The following AFAP1L2 variants were observed in gnomAD, a reference collection of about 807,000 sequenced individuals.
AFAP1L2 encodes actin filament associated protein 1 like 2, also known as actin filament-associated protein 1-like 2.
AFAP1L2 carries 46 observed loss-of-function variants against 99.3 expected under a neutral mutation model. That is an observed-to-expected ratio of 0.46 (90% CI 0.37 to 0.59). AFAP1L2 has a LOEUF of 0.59. AFAP1L2 is among the 20% of genes least tolerant of loss of function. The pLI is 0.00. For missense variants in AFAP1L2, 959 were observed against 1,034.9 expected, an observed-to-expected ratio of 0.93 and a Z score of 1.01; for synonymous variants, 397 against 419.1, an observed-to-expected ratio of 0.95 and a Z score of 0.64.
chr10:114,320,079 G>A (rs557223779), intron 5 of AFAP1L2, among the ~76,000 whole-genome samples: 4 of 152,140 alleles, frequency 2.6e-5, no homozygotes, highest in African/African-American at 7.2e-5. Flanking sequence ...TGAAATACCC[G>A]AGTGAGAAAC....
Position 114,307,872 on chromosome 10 carries a change from G to T in AFAP1L2, c.1005C>A (p.Asn335Lys), listed in dbSNP as rs760251651. The change falls in exon 10 of 19, where the codon AAC becomes AAA. Residue 335 changes from asparagine to lysine, a missense_variant. Coordinates refer to ENST00000304129, the MANE Select transcript of AFAP1L2 (RefSeq NM_001001936.3). ...ATTTCTTCCTGCCCAGATTCATTAG[G>T]TTGCTCAGTTTGAGGCCAGCAGAAC... ...KKCSAGLKLS[N>K]LMNLGRKKST... 2 of 1,614,148 alleles carry T rather than the reference G, an allele frequency of 1.2e-6. No homozygotes were observed. Among genetic ancestry groups the T allele is most frequent in the Admixed American group, 3.3e-5 (2 of 60,026 alleles).
chr10:114,299,507 G>A, intron 15 of AFAP1L2, 92 bp from the exon 16 acceptor site: 2 of 1,515,056 alleles, frequency 1.3e-6, no homozygotes, highest in Non-Finnish European at 1.8e-6. Flanking sequence ...AGAACCTGGG[G>A]CTTTGGCACA....
In AFAP1L2 at chr10:114,324,597, C is replaced by T. The variant is rs144602768; in HGVS notation, c.316-1336G>A. On this transcript the variant is annotated intron_variant, in intron 4 of 18. Coordinates refer to ENST00000304129, the MANE Select transcript of AFAP1L2 (RefSeq NM_001001936.3). Reference sequence around the variant, plus strand: ...TCCATGGGAATATGCATAATGAGTTCACAACAGAAGTGGCAGAGCTCGAAA... The same window carrying T: ...TCCATGGGAATATGCATAATGAGTTTACAACAGAAGTGGCAGAGCTCGAAA... Among the ~76,000 whole-genome samples, 313 of 152,346 alleles carry T rather than the reference C, an allele frequency of 2.1e-3. 2 individuals carry two copies. Among genetic ancestry groups the T allele is most frequent in the African/African-American group, 7.1e-3 (296 of 41,578 alleles).
intron 1 of AFAP1L2, among the ~76,000 whole-genome samples, chr10:114,403,365 G>T (rs1399065437): frequency 1.3e-5 from 2 of 152,184 alleles, no homozygotes; most frequent in Non-Finnish European, 2.9e-5. Context: ...GGTCCCAACA[G>T]GTCCCTTTAT....
intron 1 of AFAP1L2, among the ~76,000 whole-genome samples, chr10:114,388,249 A>T (rs1304994700): frequency 6.6e-6 from 1 of 151,628 alleles, no homozygotes; most frequent in African/African-American, 2.4e-5. Flanking sequence ...CTCTCTCTAC[A>T]TTCCCTCTCA....
intron 1 of AFAP1L2, among the ~76,000 whole-genome samples, chr10:114,367,556 G>T (rs2053461211): frequency 6.6e-6 from 1 of 152,174 alleles, no homozygotes; most frequent in South Asian, 2.1e-4. Context: ...GCAAGAAACT[G>T]ACCAATAATG....
At chr10:114,290,055 G>T, downstream of AFAP1L2, 1 of 639,268 alleles carries the variant, frequency 1.6e-6, no homozygotes, top group Non-Finnish European at 2.6e-6. Flanking sequence ...CTCTCCATGA[G>T]TCTGTAGGAG....
chr10:114,305,735 C>G (rs1259580805), intron 10 of AFAP1L2, among the ~76,000 whole-genome samples: 1 of 105,904 alleles, frequency 9.4e-6, no homozygotes. Flanking sequence ...GGAGGAGATG[C>G]AGATGCAGGA....
the AFAP1L2 span, chr10:114,289,475 A>G: frequency 1.2e-6 from 2 of 1,614,176 alleles, no homozygotes; most frequent in Middle Eastern, 1.6e-4. Context: ...GTGCTCATTG[A>G]GTGGCTGTGT....
At chr10:114,349,759 T>A (rs1399210943) in intron 1 of AFAP1L2, among the ~76,000 whole-genome samples, 1 of 146,616 alleles carries the variant, frequency 6.8e-6, no homozygotes, top group African/African-American at 2.5e-5. Context: ...CTTTCTCCAG[T>A]GTAAATACTC....
At chr10:114,362,274 A>G (rs1174625901) in intron 1 of AFAP1L2, among the ~76,000 whole-genome samples, 3 of 152,154 alleles carry the variant, frequency 2.0e-5, no homozygotes, top group African/African-American at 7.2e-5. Context: ...CAAAAAAGAT[A>G]TGTCTAAGTC....
intron 1 of AFAP1L2, among the ~76,000 whole-genome samples, chr10:114,345,105 A>G (rs909891418): frequency 6.6e-6 from 1 of 151,910 alleles, no homozygotes; most frequent in African/African-American, 2.4e-5. Context: ...TCAAAAAAAA[A>G]AAAAAAGGAA....
intron 5 of AFAP1L2, chr10:114,319,490 C>T (rs2044742286): frequency 8.7e-7 from 1 of 1,155,818 alleles, no homozygotes; most frequent in Non-Finnish European, 1.1e-6. Context: ...ACCCTCGGGA[C>T]ATGCACACAT....
chr10:114,330,238 G>A (rs895788688), intron 4 of AFAP1L2, among the ~76,000 whole-genome samples: 1 of 152,186 alleles, frequency 6.6e-6, no homozygotes, highest in Non-Finnish European at 1.5e-5. Context: ...GGCCAGTCCA[G>A]AGCCATTCTG....
the AFAP1L2 span, chr10:114,286,325 G>A: frequency 6.2e-7 from 1 of 1,612,630 alleles, no homozygotes; most frequent in Non-Finnish European, 8.5e-7. Context: ...GGATGAGGTT[G>A]CGGGCCCAGC....
chr10:114,305,812 G>GCAGGAGGGGAGGCAGATC (rs1291700829), intron 10 of AFAP1L2, among the ~76,000 whole-genome samples: 27 of 138,824 alleles, frequency 1.9e-4, no homozygotes, highest in African/African-American at 7.2e-4. Flanking sequence ...CGTCGGGGCT[G>GCAGGAGGGGAGGCAGATC]CAGGAGGGGA....
intron 10 of AFAP1L2, among the ~76,000 whole-genome samples, chr10:114,306,706 G>A (rs112414591): frequency 1.3e-5 from 2 of 151,842 alleles, no homozygotes; most frequent in Admixed American, 1.3e-4. Context: ...AGATCATTAA[G>A]CACCCCCAGT....
At chr10:114,285,598 T>C in the AFAP1L2 span, among the ~76,000 whole-genome samples, 1 of 152,232 alleles carries the variant, frequency 6.6e-6, no homozygotes, top group African/African-American at 2.4e-5. Context: ...GGCAAAGCAG[T>C]GAAGCCTGTA....
intron 6 of AFAP1L2, among the ~76,000 whole-genome samples, chr10:114,314,298 C>T (rs1931667): frequency 0.16 from 24,502 of 152,216 alleles, 2,256 homozygotes; most frequent in African/African-American, 0.26. Context: ...GCCAAGGATG[C>T]TCCAGGATGC....
Sources: gnomAD v4.1 joint callset for allele counts (sites outside exome capture counted in the v4.1 genomes callset) on GRCh38, gnomAD v4.1.1 for gene constraint, MANE v1.5 for transcripts, NCBI Gene and HGNC (gene_info 2026-07-23, HGNC 2026-07-21) for gene names.